The following CDH1 variants were observed in gnomAD, a reference collection of about 807,000 sequenced individuals.
CDH1 encodes cadherin-1.
In CDH1, 35 loss-of-function variants were observed where a neutral mutation model predicts 84.5. The observed-to-expected ratio is 0.41, with a 90% confidence interval of 0.32 to 0.55. CDH1 has a LOEUF of 0.55. Among genes scored for constraint, CDH1 ranks in the 20% least tolerant of loss-of-function variants. The probability of loss-of-function intolerance (pLI) is 0.19; values close to 1 mark genes in which losing one functional copy is unlikely to be tolerated. For missense variants in CDH1, 994 were observed against 1,126.6 expected, an observed-to-expected ratio of 0.88 and a Z score of 1.68; for synonymous variants, 417 against 439.0, an observed-to-expected ratio of 0.95 and a Z score of 0.63.
At position 68,745,122 on chromosome 16, in the gene CDH1, GGC is replaced by G. The variant is rs2152116181; in HGVS notation, c.163+6714_163+6715del. On this transcript the variant is annotated intron_variant, in intron 2 of 15. Coordinates refer to ENST00000261769, the MANE Select transcript of CDH1 (RefSeq NM_004360.5). ...AACTGGAGTGGGAGGAGTGGGGCAA[GGC>G]GCAGCTAGGGCCGGGGGAGTCGGGA... Among the ~76,000 whole-genome samples, 2 of 151,592 alleles carry G rather than the reference GGC, an allele frequency of 1.3e-5. 1 individual carries two copies. Among genetic ancestry groups the G allele is most frequent in the East Asian group, 3.9e-4 (2 of 5,136 alleles).
intron 6 of CDH1, among the ~76,000 whole-genome samples, chr16:68,810,770 G>A (rs368165898): frequency 8.5e-5 from 13 of 152,048 alleles, no homozygotes; most frequent in African/African-American, 2.9e-4. Flanking sequence ...GGAGGCTGAG[G>A]CAGGAGAATT....
chr16:68,771,492 G>T (rs549711243), intron 2 of CDH1, among the ~76,000 whole-genome samples: 1 of 151,882 alleles, frequency 6.6e-6, no homozygotes, highest in East Asian at 1.9e-4. Flanking sequence ...GGTGGCTCAC[G>T]CCTGTAATCC....
chr16:68,785,013 G>A (rs2152122605), intron 2 of CDH1, among the ~76,000 whole-genome samples: 1 of 151,530 alleles, frequency 6.6e-6, no homozygotes, highest in Admixed American at 6.6e-5. Context: ...ATGTTCACAT[G>A]GACACCATTG....
Position 68,812,188 on chromosome 16 carries a change from G to T in CDH1, c.1062G>T (p.Gly354=). 1 of 1,614,188 alleles carries T rather than the reference G, an allele frequency of 6.2e-7. No homozygotes were observed. Among genetic ancestry groups the T allele is most frequent in the Non-Finnish European group, 8.5e-7 (1 of 1,180,014 alleles). Residue 354 remains glycine, a synonymous_variant, in exon 8 of 16, where the codon GGG becomes GGT. Coordinates refer to ENST00000261769, the MANE Select transcript of CDH1 (RefSeq NM_004360.5). ...VVQAADLQGE[G]LSTTATAVIT... ...AAGCTGCTGACCTTCAAGGTGAGGG[G>T]TTAAGCACAACAGCAACAGCTGTGA...
chr16:68,786,520 C>CTTT (rs1323536677), intron 2 of CDH1, among the ~76,000 whole-genome samples: 1 of 77,512 alleles, frequency 1.3e-5, no homozygotes, highest in Non-Finnish European at 2.7e-5. Context: ...TTTCTGCTTT[C>CTTT]TTTTTTTTTT....
chr16:68,812,701 G>C (rs1597895247), intron 8 of CDH1, among the ~76,000 whole-genome samples: 2 of 152,300 alleles, frequency 1.3e-5, no homozygotes, highest in Middle Eastern at 6.8e-3. Flanking sequence ...GATATTACAT[G>C]CATTCAAGGA....
At chr16:68,823,933 T>C (rs1961246274) in intron 13 of CDH1, among the ~76,000 whole-genome samples, 1 of 152,010 alleles carries the variant, frequency 6.6e-6, no homozygotes, top group Admixed American at 6.6e-5. Flanking sequence ...TCTGGGCCTC[T>C]TTTTGAACTG....
At chr16:68,796,224 TG>T (rs1960358107) in intron 2 of CDH1, among the ~76,000 whole-genome samples, 1 of 152,048 alleles carries the variant, frequency 6.6e-6, no homozygotes, top group African/African-American at 2.4e-5. Context: ...GTGGGAAATG[TG>T]TTCTGATGAG....
chr16:68,815,539 C>G lies in CDH1; in HGVS notation c.1345C>G (p.Gln449Glu), dbSNP rs2152134711. 1 of 1,614,220 alleles carries G rather than the reference C, an allele frequency of 6.2e-7. No individual in the cohort carries two copies. Among genetic ancestry groups the G allele is most frequent in the South Asian group, 1.1e-5 (1 of 91,084 alleles). Residue 449 changes from glutamine (Q) to glutamate (E), a missense_variant, in exon 10 of 16, where the codon CAG (glutamine) becomes GAG (glutamate). Physicochemically the swap from Gln to Glu is conservative, Grantham distance 29. This residue lies in a region of CDH1 where 769 missense variants were observed against 881.8 expected (regional missense o/e 0.87). Transcript: ENST00000261769. ...GGGCTTGGATTTTGAGGCCAAGCAG[C>G]AGTACATTCTACACGTAGCAGTGAC... Reference protein sequence around the residue: ...AKGLDFEAKQQYILHVAVTNV... With the variant: ...AKGLDFEAKQEYILHVAVTNV...
At chr16:68,775,179 A>G (rs1959695952) in intron 2 of CDH1, among the ~76,000 whole-genome samples, 1 of 151,966 alleles carries the variant, frequency 6.6e-6, no homozygotes, top group African/African-American at 2.4e-5. Flanking sequence ...TAACATTGTC[A>G]TATTTGCCTT....
At chr16:68,766,181 C>T (rs1959377751) in intron 2 of CDH1, among the ~76,000 whole-genome samples, 1 of 152,162 alleles carries the variant, frequency 6.6e-6, no homozygotes, top group Non-Finnish European at 1.5e-5. Flanking sequence ...ATCGCTTGAA[C>T]CCGGGAGGTA....
intron 2 of CDH1, among the ~76,000 whole-genome samples, chr16:68,786,926 C>A (rs1161104374): frequency 1.3e-5 from 2 of 152,202 alleles, no homozygotes; most frequent in East Asian, 3.9e-4. Context: ...GGGTCCGAGC[C>A]TTTCCAGCAC....
chr16:68,765,977 C>T (rs1474671115), intron 2 of CDH1, among the ~76,000 whole-genome samples: 2 of 151,964 alleles, frequency 1.3e-5, no homozygotes, highest in Admixed American at 1.3e-4. Flanking sequence ...AATTTTATAT[C>T]GGCCAGGCAC....
intron 2 of CDH1, among the ~76,000 whole-genome samples, chr16:68,787,205 C>T (rs1960077252): frequency 2.0e-5 from 3 of 152,176 alleles, no homozygotes; most frequent in Admixed American, 2.0e-4. Flanking sequence ...TTAACTACCC[C>T]TGGAATTTCT....
chr16:68,822,934 G>A (rs1961202260), intron 12 of CDH1: 1 of 221,598 alleles, frequency 4.5e-6, no homozygotes, highest in South Asian at 7.3e-5. Flanking sequence ...TTCATGCCTT[G>A]GGTTCCACCT....
intron 2 of CDH1, among the ~76,000 whole-genome samples, chr16:68,761,054 A>G (rs573653890): frequency 1.3e-5 from 2 of 152,330 alleles, no homozygotes; most frequent in Admixed American, 6.5e-5. Context: ...CGAGTCACAC[A>G]GGAGGGTAGG....
chr16:68,813,180 A>G, intron 8 of CDH1, 133 bp from the exon 9 acceptor site: 4 of 913,348 alleles, frequency 4.4e-6, no homozygotes, highest in African/African-American at 1.6e-5. Flanking sequence ...TCGCTCAAAT[A>G]CACTCCAGCC....
chr16:68,806,122 A>ATGTTTGTTTGTT (rs377407300), intron 3 of CDH1, among the ~76,000 whole-genome samples: 9 of 144,434 alleles, frequency 6.2e-5, no homozygotes, highest in African/African-American at 2.1e-4. Context: ...TAATTTTTGT[A>ATGTTTGTTTGTT]TATTTATTTA....
intron 2 of CDH1, among the ~76,000 whole-genome samples, chr16:68,756,994 C>A (rs954872880): frequency 6.6e-6 from 1 of 152,128 alleles, no homozygotes; most frequent in Non-Finnish European, 1.5e-5. Context: ...CAGAGCGAGA[C>A]GCTCTCTCAA....
Sources: gnomAD v4.1 joint callset for allele counts (sites outside exome capture counted in the v4.1 genomes callset) on GRCh38, gnomAD v4.1.1 for gene constraint, gnomAD v4.1.1 regional missense constraint, MANE v1.5 for transcripts, NCBI Gene and HGNC (gene_info 2026-07-23, HGNC 2026-07-21) for gene names.